The following ZBTB45 variants were observed in gnomAD, a reference collection of about 807,000 sequenced individuals.
ZBTB45 encodes zinc finger and BTB domain-containing protein 45.
In ZBTB45, 22 loss-of-function variants were observed where a neutral mutation model predicts 28.4. The ratio of observed to expected loss-of-function variants is 0.77; its 90% CI spans 0.55 to 1.10. The LOEUF is 1.10. ZBTB45 is among the 50% of genes least tolerant of loss of function. The probability of loss-of-function intolerance (pLI) is 0.00; values close to 1 mark genes in which losing one functional copy is unlikely to be tolerated. For missense variants in ZBTB45, 656 were observed against 750.2 expected, an observed-to-expected ratio of 0.87 and a Z score of 1.47; for synonymous variants, 361 against 332.3, an observed-to-expected ratio of 1.09 and a Z score of -0.94.
intron 2 of ZBTB45, among the ~76,000 whole-genome samples, 194 bp from the exon 3 acceptor site, chr19:58,514,504 C>G (rs2053464733): frequency 6.6e-6 from 1 of 151,974 alleles, no homozygotes; most frequent in Non-Finnish European, 1.5e-5. Context: ...AGGGACACCC[C>G]CTCCTCTCCA....
intron 1 of ZBTB45, among the ~76,000 whole-genome samples, chr19:58,526,355 G>A (rs568411298): frequency 6.6e-6 from 1 of 151,588 alleles, no homozygotes; most frequent in Non-Finnish European, 1.5e-5. Context: ...GATTACAGGC[G>A]CCTGCCACCA....
Position 58,517,709 on chromosome 19 carries a change from C to T in ZBTB45, c.1-36G>A, listed in dbSNP as rs571930538. The T allele has an allele frequency of 2.2e-5, 35 of 1,582,280 alleles. No individual in the cohort carries two copies. In the South Asian group the frequency reaches 3.8e-4, roughly 17 times the overall value. On this transcript the variant is annotated intron_variant, in intron 1 of 2. Coordinates refer to ENST00000594051, the MANE Select transcript of ZBTB45 (RefSeq NM_001316979.2). ...CAAGAGGAGGGCAGGGAGAGGTCAACTGAGGACCCCCATCTGTCCCAACGT... is the reference window on the plus strand; with the variant it reads ...CAAGAGGAGGGCAGGGAGAGGTCAATTGAGGACCCCCATCTGTCCCAACGT...
chr19:58,531,412 TAC>T (rs1422531462), intron 1 of ZBTB45, among the ~76,000 whole-genome samples: 1 of 152,214 alleles, frequency 6.6e-6, no homozygotes, highest in Non-Finnish European at 1.5e-5. Context: ...CTGTCCCCTG[TAC>T]ACTTACGGGT....
At chr19:58,529,716 G>A (rs956278993) in intron 1 of ZBTB45, among the ~76,000 whole-genome samples, 4 of 152,068 alleles carry the variant, frequency 2.6e-5, no homozygotes, top group East Asian at 1.9e-4. Context: ...CCATCAACCC[G>A]TCATCTACAT....
intron 1 of ZBTB45, among the ~76,000 whole-genome samples, chr19:58,525,890 C>A (rs960166506): frequency 2.6e-5 from 4 of 152,192 alleles, no homozygotes; most frequent in African/African-American, 9.7e-5. Context: ...AGAGTCCCAG[C>A]ACCTTGACCT....
At chr19:58,521,787 C>T (rs2053580140), upstream of ZBTB45, among the ~76,000 whole-genome samples, 1 of 152,140 alleles carries the variant, frequency 6.6e-6, no homozygotes, top group Non-Finnish European at 1.5e-5. Flanking sequence ...TTACCAGGCC[C>T]CTTCGTGATC....
intron 1 of ZBTB45, chr19:58,519,430 C>T (rs950612432): frequency 1.3e-5 from 2 of 152,244 alleles, no homozygotes; most frequent in African/African-American, 4.8e-5. Flanking sequence ...GGCCTGCACT[C>T]GAGACCCGGC....
upstream of ZBTB45, among the ~76,000 whole-genome samples, chr19:58,524,195 C>A (rs1427707442): frequency 1.3e-5 from 2 of 150,888 alleles, no homozygotes; most frequent in Non-Finnish European, 2.9e-5. Flanking sequence ...AACCCCGTCT[C>A]CACTAAAAGT....
At chr19:58,537,840 C>CTT (rs769769323) in intron 1 of ZBTB45, among the ~76,000 whole-genome samples, 3 of 135,386 alleles carry the variant, frequency 2.2e-5, no homozygotes, top group Non-Finnish European at 3.2e-5. Context: ...TCAAATATTC[C>CTT]TTTTTTTTTT....
intron 1 of ZBTB45, among the ~76,000 whole-genome samples, chr19:58,518,317 C>T (rs1052452195): frequency 2.0e-5 from 3 of 152,202 alleles, no homozygotes; most frequent in African/African-American, 4.8e-5. Context: ...GCATGACCTG[C>T]TTCCTGGGCA....
chr19:58,516,786 G>A lies in ZBTB45; in HGVS notation c.888C>T (p.Gly296=), dbSNP rs773555972. The part of the protein sequence containing the change: ...SYVSTWHDED[G]AVPEGCPTET... ...CAGTGGGACAGCCTTCGGGGACAGC[G>A]CCATCCTCGTCGTGCCAAGTGGATA... Residue 296 remains glycine, a synonymous_variant, in exon 2 of 3, where the codon GGC becomes GGT. Coordinates refer to ENST00000594051, the MANE Select transcript of ZBTB45 (RefSeq NM_001316979.2). The surrounding 1 kb of genome is among the most constrained non-coding windows in gnomAD (Gnocchi z 6.2). 15 of 1,613,720 alleles carry A rather than the reference G, an allele frequency of 9.3e-6. No individual in the cohort carries two copies. Among genetic ancestry groups the A allele is most frequent in the African/African-American group, 4.0e-5 (3 of 74,916 alleles).
At chr19:58,518,447 G>C (rs1029613889) in intron 1 of ZBTB45, among the ~76,000 whole-genome samples, 1 of 152,132 alleles carries the variant, frequency 6.6e-6, no homozygotes, top group Non-Finnish European at 1.5e-5. Context: ...TAGCGAGCAG[G>C]GAGGTGGCTC....
At chr19:58,531,462 G>C (rs1327212586) in intron 1 of ZBTB45, among the ~76,000 whole-genome samples, 1 of 152,134 alleles carries the variant, frequency 6.6e-6, no homozygotes, top group South Asian at 2.1e-4. Context: ...CACCCTCCAT[G>C]TACCTCATAA....
upstream of ZBTB45, among the ~76,000 whole-genome samples, chr19:58,521,384 AGAAAGAAAG>A (rs1447674092): frequency 4.4e-5 from 6 of 136,222 alleles, no homozygotes; most frequent in African/African-American, 1.6e-4. Context: ...AAAAAAAAAA[AGAAAGAAAG>A]AAAAGAAAAC....
chr19:58,534,836 G>A (rs2053652372), intron 1 of ZBTB45, among the ~76,000 whole-genome samples: 1 of 150,608 alleles, frequency 6.6e-6, no homozygotes, highest in Non-Finnish European at 1.5e-5. Context: ...GATTACAGGC[G>A]TGAGCCACCG....
At chr19:58,529,435 C>T (rs948440962) in intron 1 of ZBTB45, among the ~76,000 whole-genome samples, 1 of 152,144 alleles carries the variant, frequency 6.6e-6, no homozygotes, top group Non-Finnish European at 1.5e-5. Flanking sequence ...ACACAGATAA[C>T]CGTTTTAAAG....
At chr19:58,523,684 G>GTTTTT (rs1285543840), upstream of ZBTB45, among the ~76,000 whole-genome samples, 1 of 145,188 alleles carries the variant, frequency 6.9e-6, no homozygotes, top group East Asian at 2.2e-4. Context: ...TTGTTTGTTT[G>GTTTTT]TTTTGAGATG....
upstream of ZBTB45, among the ~76,000 whole-genome samples, chr19:58,521,141 G>A (rs1418966137): frequency 2.7e-5 from 4 of 147,586 alleles, no homozygotes; most frequent in South Asian, 6.4e-4. Context: ...GAGGCGGGCG[G>A]ATCATGAGGT....
chr19:58,517,766 G>T, intron 1 of ZBTB45, 93 bp from the exon 2 acceptor site: 2 of 1,237,530 alleles, frequency 1.6e-6, no homozygotes, highest in South Asian at 2.9e-5. Flanking sequence ...TGCAGGACAG[G>T]GCTCGAGTGC....
Sources: allele counts gnomAD v4.1 joint callset (sites outside exome capture counted in the v4.1 genomes callset), GRCh38; gene constraint gnomAD v4.1.1; non-coding constraint Gnocchi (gnomAD v3.1); transcripts MANE v1.5; gene names NCBI Gene and HGNC (gene_info 2026-07-23, HGNC 2026-07-21).